Variants in CA10 observed in about 807,000 individuals in gnomAD.
CA10 encodes carbonic anhydrase 10 (inactive).
CA10 carries 14 observed loss-of-function variants against 44.2 expected under a neutral mutation model. That is an observed-to-expected ratio of 0.32 (90% confidence interval 0.21 to 0.50). The LOEUF is 0.50. Among genes scored for constraint, CA10 ranks in the 20% least tolerant of loss-of-function variants. CA10 has a pLI of 0.99. For synonymous variants in CA10, 159 were observed against 141.6 expected (o/e 1.12, Z -0.87); for missense variants, 350 against 409.7 (o/e 0.85, Z 1.26).
At chr17:51,643,507 G>T (rs906807617) in intron 6 of CA10, among the ~76,000 whole-genome samples, 1 of 152,078 alleles carries the variant, frequency 6.6e-6, no homozygotes, top group East Asian at 1.9e-4. Flanking sequence ...TTTAGTTCAG[G>T]CTAGTTTTTT....
intron 1 of CA10, among the ~76,000 whole-genome samples, chr17:52,095,975 T>C (rs1038552103): frequency 6.6e-6 from 1 of 152,176 alleles, no homozygotes; most frequent in African/African-American, 2.4e-5. Context: ...TGAGTCTAGA[T>C]GTCCTTTTAT....
chr17:52,120,058 G>C (rs2143312360), intron 1 of CA10, among the ~76,000 whole-genome samples: 1 of 152,246 alleles, frequency 6.6e-6, no homozygotes, highest in Non-Finnish European at 1.5e-5. Context: ...TCCTTTTTGA[G>C]AAAATAAGAC....
chr17:52,062,154 G>A (rs1403140934), intron 2 of CA10, among the ~76,000 whole-genome samples: 5 of 139,994 alleles, frequency 3.6e-5, no homozygotes, highest in Admixed American at 2.4e-4. Context: ...AGCAACCTTC[G>A]CCTCCCAGGT....
chr17:51,654,469 G>GAAAAATGGATATGATGATCT (rs1913709088), intron 4 of CA10, among the ~76,000 whole-genome samples: 1 of 151,962 alleles, frequency 6.6e-6, no homozygotes, highest in Non-Finnish European at 1.5e-5. Context: ...TGTTTCCTCT[G>GAAAAATGGATATGATGATCT]AAAAATGGAT....
chr17:51,794,309 G>C (rs1328726759), intron 3 of CA10, among the ~76,000 whole-genome samples: 1 of 152,204 alleles, frequency 6.6e-6, no homozygotes, highest in Non-Finnish European at 1.5e-5. Flanking sequence ...AAAGAAAGCT[G>C]CTGGAAGTGC....
intron 1 of CA10, among the ~76,000 whole-genome samples, chr17:52,133,882 A>G (rs1240082268): frequency 6.6e-6 from 1 of 152,226 alleles, no homozygotes. Context: ...TAGAAGATTA[A>G]TGAATGAAGA....
chr17:52,057,776 T>C (rs775349260), intron 2 of CA10, among the ~76,000 whole-genome samples: 4 of 152,118 alleles, frequency 2.6e-5, no homozygotes, highest in Non-Finnish European at 5.9e-5. Flanking sequence ...AAAAAGCAGG[T>C]CATTTGGTGG....
intron 1 of CA10, among the ~76,000 whole-genome samples, chr17:52,093,567 T>C (rs1272241278): frequency 6.6e-6 from 1 of 152,144 alleles, no homozygotes; most frequent in Non-Finnish European, 1.5e-5. Context: ...TCACTTAACT[T>C]TTGTGTTGTT....
At chr17:51,980,268 T>TCTC (rs1984608943) in intron 2 of CA10, among the ~76,000 whole-genome samples, 1 of 152,162 alleles carries the variant, frequency 6.6e-6, no homozygotes, top group African/African-American at 2.4e-5. Flanking sequence ...CATTTGCATT[T>TCTC]CTCCAGTGAT....
intron 1 of CA10, among the ~76,000 whole-genome samples, chr17:52,073,145 A>G (rs1377842445): frequency 6.6e-6 from 1 of 152,220 alleles, no homozygotes; most frequent in African/African-American, 2.4e-5. Context: ...TCCCAGACAC[A>G]TTGGAAGAAA....
chr17:52,148,551 A>G (rs1017080682), intron 1 of CA10, among the ~76,000 whole-genome samples: 2 of 152,232 alleles, frequency 1.3e-5, no homozygotes, highest in Non-Finnish European at 2.9e-5. Flanking sequence ...CTGCACACTC[A>G]AAAACCTACA....
intron 1 of CA10, among the ~76,000 whole-genome samples, chr17:52,124,422 G>A (rs1481307283): frequency 6.6e-6 from 1 of 152,130 alleles, no homozygotes; most frequent in African/African-American, 2.4e-5. Flanking sequence ...CCAGGATTCT[G>A]TTACATTACC....
At chr17:51,939,986 G>A (rs575626891) in intron 2 of CA10, among the ~76,000 whole-genome samples, 19 of 151,888 alleles carry the variant, frequency 1.3e-4, no homozygotes, top group East Asian at 3.9e-4. Flanking sequence ...GGTTATATAC[G>A]TGTTTTTCTT....
At chr17:51,897,226 C>T (rs1434882042) in intron 3 of CA10, among the ~76,000 whole-genome samples, 1 of 151,956 alleles carries the variant, frequency 6.6e-6, no homozygotes, top group East Asian at 1.9e-4. Context: ...GTCTTTAATC[C>T]ACCTTGAATT....
intron 3 of CA10, among the ~76,000 whole-genome samples, chr17:51,889,238 G>A (rs1458774148): frequency 1.3e-5 from 2 of 152,110 alleles, no homozygotes; most frequent in East Asian, 1.9e-4. Flanking sequence ...AATCAAGCAG[G>A]TGGGCAGGTA....
At chr17:51,636,448 A>G (rs1912829569) in intron 6 of CA10, among the ~76,000 whole-genome samples, 1 of 152,218 alleles carries the variant, frequency 6.6e-6, no homozygotes, top group African/African-American at 2.4e-5. Flanking sequence ...TTTGGTAGCC[A>G]AAGAAGTCAC....
intron 3 of CA10, among the ~76,000 whole-genome samples, chr17:51,919,596 CTATGTT>C (rs1397291056): frequency 1.3e-5 from 2 of 152,072 alleles, no homozygotes; most frequent in East Asian, 1.9e-4. Context: ...ATTTTGTTGC[CTATGTT>C]TAAGAGGCTG....
intron 3 of CA10, among the ~76,000 whole-genome samples, chr17:51,908,845 C>T (rs774017533): frequency 2.8e-4 from 43 of 152,274 alleles, no homozygotes; most frequent in Non-Finnish European, 2.4e-4. Context: ...TTTACCAAAT[C>T]ACTAGGAAAG....
At chr17:51,991,567 T>C (rs1432008951) in intron 2 of CA10, among the ~76,000 whole-genome samples, 1 of 152,130 alleles carries the variant, frequency 6.6e-6, no homozygotes, top group African/African-American at 2.4e-5. Flanking sequence ...CCCAGCACTT[T>C]GGGAGGCAGA....
Sources: allele counts gnomAD v4.1 joint callset (sites outside exome capture counted in the v4.1 genomes callset), GRCh38; gene constraint gnomAD v4.1.1; transcripts MANE v1.5; gene names NCBI Gene and HGNC (gene_info 2026-07-23, HGNC 2026-07-21).